The following COL6A3 variants were observed in gnomAD, a reference collection of about 807,000 sequenced individuals.
COL6A3 encodes collagen alpha-3(VI) chain.
In COL6A3, 137 loss-of-function variants were observed where a neutral mutation model predicts 274.1. The observed-to-expected ratio is 0.50, with a 90% CI of 0.44 to 0.58. The LOEUF is 0.58. Among genes scored for constraint, COL6A3 ranks in the 20% least tolerant of loss-of-function variants. The pLI is 0.00. For missense variants in COL6A3, 3,950 were observed against 4,124.9 expected, an observed-to-expected ratio of 0.96 and a Z score of 1.16; for synonymous variants, 1,650 against 1,650.6, an observed-to-expected ratio of 1.00 and a Z score of 0.01.
rs373719229 is a variant in COL6A3, at chr2:237,374,536, G to A, written c.3555C>T (p.Ala1185=). ...MQTISFIPDF[A]VAIPTFRQLG... Reference sequence around the variant, plus strand: ...GCTGGCGAAAGGTGGGAATGGCCACGGCAAAGTCCGGGATGAAGGAGATGG... The same window carrying A: ...GCTGGCGAAAGGTGGGAATGGCCACAGCAAAGTCCGGGATGAAGGAGATGG... Residue 1185 remains alanine (A), a synonymous_variant, in exon 8 of 44, where the codon GCC becomes GCT. Transcript: ENST00000295550. The surrounding 1 kb of genome is among the most constrained non-coding windows in gnomAD (Gnocchi z 4.8). 1.9e-5 allele frequency: 30 copies of A among 1,614,074 alleles called. No individual in the cohort carries two copies. Among genetic ancestry groups the A allele is most frequent in the African/African-American group, 1.2e-4 (9 of 74,930 alleles).
intron 4 of COL6A3, among the ~76,000 whole-genome samples, chr2:237,385,451 C>T (rs2078121160): frequency 6.6e-6 from 1 of 152,192 alleles, no homozygotes; most frequent in Non-Finnish European, 1.5e-5. Flanking sequence ...CTGGTACAGA[C>T]ATATCTTCAT....
intron 1 of COL6A3, among the ~76,000 whole-genome samples, chr2:237,411,919 C>G (rs1337375736): frequency 2.0e-5 from 3 of 152,108 alleles, no homozygotes; most frequent in Admixed American, 2.0e-4. Flanking sequence ...CCAGCCACCT[C>G]CCAGAAAGGT....
rs770144673 is a variant in COL6A3 at position 237,358,623 on chromosome 2, T to C, written c.6409-40A>G. The C allele has an allele frequency of 1.9e-6, 3 of 1,544,550 alleles. No homozygotes were observed. The South Asian group carries it at 3.3e-5, about 17-fold the overall frequency. On this transcript the variant is annotated intron_variant, in intron 20 of 43. Transcript: ENST00000295550. ...CAAGTGGATGCTAAAAACTAGATGT[T>C]TCCATTTTTATCTCACCCTAAAAAT...
At position 237,353,367 on chromosome 2, in the gene COL6A3, C is replaced by T; in HGVS notation, c.6664G>A (p.Gly2222Arg). The T allele has an allele frequency of 1.2e-6, 2 of 1,614,196 alleles. No individual in the cohort carries two copies. The highest frequency in any genetic ancestry group is 1.7e-6 in the Non-Finnish European group (2 of 1,180,044). Residue 2222 changes from glycine (G) to arginine (R), a missense_variant, in exon 25 of 44, where the codon GGA becomes AGA. Physicochemically the swap from Gly to Arg is moderately radical, Grantham distance 125. This residue lies in a region of COL6A3 where 1,284 missense variants were observed against 1,349.7 expected (regional missense o/e 0.95). Coordinates refer to ENST00000295550, the MANE Select transcript of COL6A3 (RefSeq NM_004369.4). ...TGTGCACCTCTGGTCCCCTGCTCTC[C>T]CTCAAAGCCCGGCTGGCCAGGACCG... ...KGGPGQPGFE[G>R]EQGTRGAQGP...
At chr2:237,333,357 C>T (rs1438769711) in intron 42 of COL6A3, 93 bp downstream of exon 42, 2 of 1,200,984 alleles carry the variant, frequency 1.7e-6, no homozygotes, top group South Asian at 1.3e-5. Context: ...GAAGTCATGC[C>T]TGGGCTAAGA....
chr2:237,329,616 C>T (rs1290024336), intron 42 of COL6A3: 1 of 152,156 alleles, frequency 6.6e-6, no homozygotes, highest in Admixed American at 6.5e-5. Flanking sequence ...TTATTATTAA[C>T]ATAAAGTCAG....
rs1168210070 is a variant in COL6A3, at chr2:237,413,544, C to T, written c.-31+409G>A. Among the ~76,000 whole-genome samples, 1 of 152,194 alleles carries T rather than the reference C, an allele frequency of 6.6e-6. No individual in the cohort carries two copies. The highest frequency in any genetic ancestry group is 2.4e-5 in the African/African-American group (1 of 41,436). On this transcript the variant is annotated intron_variant, in intron 1 of 43. Transcript: ENST00000295550. The surrounding 1 kb of genome is among the most constrained non-coding windows in gnomAD (Gnocchi z 4.0). ...CCCAGAGAGCTCAGAGAACATCTCC[C>T]AGCGGAGCCGCCCGGCAGGGAGCTA...
intron 5 of COL6A3, among the ~76,000 whole-genome samples, chr2:237,380,485 G>A (rs1574723849): frequency 6.6e-6 from 1 of 152,200 alleles, no homozygotes; most frequent in African/African-American, 2.4e-5. Context: ...TGAGGACACT[G>A]TGCCCTAAAC....
At position 237,354,011 on chromosome 2, in the gene COL6A3, A is replaced by ATT. The variant is rs369802051; in HGVS notation, c.6628-610_6628-609dup. 6.4e-4 allele frequency among the ~76,000 whole-genome samples: 91 copies of ATT among 142,308 alleles called. 2 individuals carry two copies. Among genetic ancestry groups the ATT allele is most frequent in the African/African-American group, 1.0e-3 (39 of 38,430 alleles). The allele number at this position is 142,308 out of a possible 152,430, so 93.4% of individuals were successfully genotyped here. On this transcript the variant is annotated intron_variant, in intron 24 of 43. Transcript: ENST00000295550. The stretch of plus-strand genomic sequence containing the variant: ...TTCTTAAATAAGATAGCTACAAAGA[A>ATT]TTTTTTTTTTTTTTTTTGAGATGGA...
At chr2:237,332,346 T>G (rs1468052200) in intron 42 of COL6A3, among the ~76,000 whole-genome samples, 1 of 151,854 alleles carries the variant, frequency 6.6e-6, no homozygotes, top group Non-Finnish European at 1.5e-5. Flanking sequence ...TTTTTCTATT[T>G]CCCACACTGT....
rs2077860993 is a variant in COL6A3, at chr2:237,376,960, C to T, written c.2882G>A (p.Ser961Asn). The T allele has an allele frequency of 1.9e-6, 3 of 1,614,112 alleles. No homozygotes were observed. Among genetic ancestry groups the T allele is most frequent in the Non-Finnish European group, 2.5e-6 (3 of 1,180,048 alleles). Residue 961 changes from serine to asparagine, a missense_variant, in exon 7 of 44, where the codon AGT becomes AAT. Ser to Asn is a conservative substitution (Grantham distance 46). Around this residue, in one of 5 missense-constraint regions of COL6A3, gnomAD observed 1,934 missense variants for 1,984.3 expected, o/e 0.97. Transcript: ENST00000295550. Reference sequence around the variant, plus strand: ...CACAACCCCACTCTGCTTCAGGTTACTTGCTGGCCCATCCACACGGTCAGA... The same window carrying T: ...CACAACCCCACTCTGCTTCAGGTTATTTGCTGGCCCATCCACACGGTCAGA... Reference protein sequence around the residue: ...RSSDRVDGPASNLKQSGVVPF... With the variant: ...RSSDRVDGPANNLKQSGVVPF...
intron 8 of COL6A3, among the ~76,000 whole-genome samples, chr2:237,372,576 G>A (rs1280567164): frequency 2.0e-5 from 3 of 152,210 alleles, no homozygotes; most frequent in Non-Finnish European, 4.4e-5. Flanking sequence ...CAGCACCAGC[G>A]AGGATGGTAC....
At chr2:237,355,186 G>A (rs2077292429) in intron 23 of COL6A3, 3 of 492,128 alleles carry the variant, frequency 6.1e-6, no homozygotes, top group Non-Finnish European at 1.1e-5. Flanking sequence ...TCACCCAATG[G>A]AAGTTTTGAG....
chr2:237,388,116 C>T lies in COL6A3; in HGVS notation c.778G>A (p.Val260Ile). 6.8e-6 allele frequency: 11 copies of T among 1,614,214 alleles called. No homozygotes were observed. Among genetic ancestry groups the T allele is most frequent in the Non-Finnish European group, 9.3e-6 (11 of 1,180,048 alleles). Residue 260 changes from valine (V) to isoleucine (I), a missense_variant, in exon 4 of 44, where the codon GTC becomes ATC. Val to Ile is a conservative substitution (Grantham distance 29). Coordinates refer to ENST00000295550, the MANE Select transcript of COL6A3 (RefSeq NM_004369.4). ...AGATTTACAAGGAAGTCGAGAATGA[C>T]TGCGAAATTGACACTTCCGGTGTTG... ...SNNTGSVNFA[V>I]ILDFLVNLLE...
At chr2:237,355,044 T>C (rs1349863530) in intron 23 of COL6A3, 110 bp from the exon 24 acceptor site, 14 of 1,029,966 alleles carry the variant, frequency 1.4e-5, no homozygotes, top group Admixed American at 2.0e-5. Flanking sequence ...CTCAGGGGAA[T>C]CTTCCCAAGC....
At chr2:237,375,667 AGAGTAGCTGG>A (rs2077820023) in intron 7 of COL6A3, among the ~76,000 whole-genome samples, 1 of 152,048 alleles carries the variant, frequency 6.6e-6, no homozygotes, top group Admixed American at 6.6e-5. Context: ...CTCAGCCTCC[AGAGTAGCTGG>A]GATTACAGGC....
chr2:237,395,169 G>A lies in COL6A3; in HGVS notation c.127C>T (p.Leu43=), dbSNP rs555210750. 9.9e-6 allele frequency: 16 copies of A among 1,613,684 alleles called. No homozygotes were observed. The South Asian group carries it at 1.5e-4, about 16-fold the overall frequency. The change falls in exon 3 of 44, where the codon CTA becomes TTA. Residue 43 remains leucine, a synonymous_variant. Coordinates refer to ENST00000295550, the MANE Select transcript of COL6A3 (RefSeq NM_004369.4). Reference sequence around the variant, plus strand: ...CCAATGGTCCAAGAGGAATCCACTAGAAATATTATATCAGCAGCCGCACCA... The same window carrying A: ...CCAATGGTCCAAGAGGAATCCACTAAAAATATTATATCAGCAGCCGCACCA... ...KNGAAADIIF[L]VDSSWTIGEE...
chr2:237,339,900 G>A (rs759419520), intron 38 of COL6A3, among the ~76,000 whole-genome samples: 52 of 152,240 alleles, frequency 3.4e-4, no homozygotes, highest in Middle Eastern at 3.4e-3. Flanking sequence ...CAGCTTCCAC[G>A]GCGAGCAGAA....
chr2:237,348,191 G>A (rs2077134024), intron 30 of COL6A3, among the ~76,000 whole-genome samples, 158 bp downstream of exon 30: 1 of 152,196 alleles, frequency 6.6e-6, no homozygotes, highest in African/African-American at 2.4e-5. Context: ...TGACAGATGA[G>A]AGAGTATTTT....
Sources: gnomAD v4.1 joint callset for allele counts (sites outside exome capture counted in the v4.1 genomes callset) on GRCh38, gnomAD v4.1.1 for gene constraint, gnomAD v4.1.1 regional missense constraint, Gnocchi (gnomAD v3.1) non-coding constraint, MANE v1.5 for transcripts, NCBI Gene and HGNC (gene_info 2026-07-23, HGNC 2026-07-21) for gene names.